The following KCNQ1 variants were observed in gnomAD, a reference collection of about 807,000 sequenced individuals.
KCNQ1 encodes potassium voltage-gated channel subfamily KQT member 1.
KCNQ1 carries 49 observed loss-of-function variants against 72.4 expected under a neutral mutation model. The ratio of observed to expected loss-of-function variants is 0.68; its 90% CI spans 0.54 to 0.86. The LOEUF is 0.86. KCNQ1 is among the 40% of genes least tolerant of loss of function. The pLI is 0.00. For synonymous variants in KCNQ1, 450 were observed against 412.6 expected (o/e 1.09, Z -1.10); for missense variants, 790 against 945.1 (o/e 0.84, Z 2.15).
intron 1 of KCNQ1, among the ~76,000 whole-genome samples, chr11:2,489,581 C>T (rs940703068): frequency 6.6e-6 from 1 of 152,198 alleles, no homozygotes; most frequent in African/African-American, 2.4e-5. Flanking sequence ...GTGGCTAACC[C>T]CAGGCAGCAC....
chr11:2,737,079 A>G (rs894188505), intron 11 of KCNQ1, among the ~76,000 whole-genome samples: 1 of 152,214 alleles, frequency 6.6e-6, no homozygotes, highest in Non-Finnish European at 1.5e-5. Flanking sequence ...TAGTGGGTCC[A>G]GAAGAGATCC....
In KCNQ1 at chr11:2,543,764, T is replaced by A. The variant is rs1035946306; in HGVS notation, c.477+15746T>A. Reference sequence around the variant, plus strand: ...TTTAGGCCTAGGATGCATTTTGAGTTAATTTTTCTCTATCATGTAAGACAT... The same window carrying A: ...TTTAGGCCTAGGATGCATTTTGAGTAAATTTTTCTCTATCATGTAAGACAT... On this transcript the variant is annotated intron_variant, in intron 2 of 15. Transcript: ENST00000155840. This position sits in a 1 kb window ranked among gnomAD's most constrained non-coding sequence, Gnocchi z 5.6. 1.3e-5 allele frequency among the ~76,000 whole-genome samples: 2 copies of A among 152,250 alleles called. No individual in the cohort carries two copies. The highest frequency in any genetic ancestry group is 4.8e-5 in the African/African-American group (2 of 41,466).
chr11:2,676,873 A>G lies in KCNQ1; in HGVS notation c.1514+14792A>G, dbSNP rs569209598. ...TCAGCTTTGACTGGGGAGCCCTTTC[A>G]TTTCTTAGTAAGTGTTCAGCCCCAG... On this transcript the variant is annotated intron_variant, in intron 11 of 15. Coordinates refer to ENST00000155840, the MANE Select transcript of KCNQ1 (RefSeq NM_000218.3). This position sits in a 1 kb window ranked among gnomAD's most constrained non-coding sequence, Gnocchi z 4.2. 4 of 398,620 alleles carry G rather than the reference A, an allele frequency of 1.0e-5. No homozygotes were observed. The East Asian group carries it at 1.4e-4, about 14-fold the overall frequency. 24.7% of individuals were successfully genotyped at this position (398,620 alleles called of 1,614,324 possible).
intron 15 of KCNQ1, chr11:2,839,950 C>T (rs572691353): frequency 4.6e-5 from 7 of 152,310 alleles, no homozygotes; most frequent in Admixed American, 2.0e-4. Flanking sequence ...GGCAGTTCTG[C>T]GTAGACGCCA....
intron 15 of KCNQ1, among the ~76,000 whole-genome samples, chr11:2,796,811 C>T (rs1004936450): frequency 2.6e-5 from 4 of 152,204 alleles, no homozygotes; most frequent in Admixed American, 6.5e-5. Flanking sequence ...CCCACTGCTG[C>T]GCCGTCCCTC....
rs1269755894 is a variant in KCNQ1, at chr11:2,674,051, C to G, written c.1514+11970C>G. 23 of 398,462 alleles carry G rather than the reference C, an allele frequency of 5.8e-5. No homozygotes were observed. The East Asian group carries it at 7.5e-4, about 13-fold the overall frequency. 24.7% of individuals were successfully genotyped at this position (398,462 alleles called of 1,614,324 possible). On this transcript the variant is annotated intron_variant, in intron 11 of 15. Transcript: ENST00000155840. This position sits in a 1 kb window ranked among gnomAD's most constrained non-coding sequence, Gnocchi z 5.9. ...CCTGGGGTGCAGCCCCTCATTTGTACTTGCTGGCTGCCCCATGGGGGCTTG... is the reference window on the plus strand; with the variant it reads ...CCTGGGGTGCAGCCCCTCATTTGTAGTTGCTGGCTGCCCCATGGGGGCTTG...
chr11:2,583,401 C>T (rs1037534546), intron 6 of KCNQ1, 34 bp from the exon 7 acceptor site: 3 of 1,485,064 alleles, frequency 2.0e-6, no homozygotes, highest in Non-Finnish European at 1.9e-6. Context: ...GCTCCAGTCC[C>T]ATCCGTGGCT....
At chr11:2,846,130 G>A (rs1848322522) in intron 15 of KCNQ1, among the ~76,000 whole-genome samples, 1 of 152,138 alleles carries the variant, frequency 6.6e-6, no homozygotes. Context: ...TCAGCAGTGG[G>A]GCCGGGCGCA....
At chr11:2,754,894 T>C (rs1323662807) in intron 11 of KCNQ1, among the ~76,000 whole-genome samples, 3 of 152,236 alleles carry the variant, frequency 2.0e-5, no homozygotes. Flanking sequence ...CAAAGATACC[T>C]TAAAGAACGT....
In KCNQ1 at chr11:2,481,746, A is replaced by G. The variant is rs1846654561; in HGVS notation, c.386+36262A>G. On this transcript the variant is annotated intron_variant, in intron 1 of 15. Coordinates refer to ENST00000155840, the MANE Select transcript of KCNQ1 (RefSeq NM_000218.3). This position sits in a 1 kb window ranked among gnomAD's most constrained non-coding sequence, Gnocchi z 4.6. ...TCTAGGTTGCCTCCTCTTTATAAGA[A>G]TCTAATGCCTGATGATCTGTCACTG... Among the ~76,000 whole-genome samples the G allele has an allele frequency of 6.6e-6, 1 of 152,190 alleles. No homozygotes were observed. Among genetic ancestry groups the G allele is most frequent in the Non-Finnish European group, 1.5e-5 (1 of 68,032 alleles).
chr11:2,581,229 C>A (rs1284009517), intron 6 of KCNQ1, among the ~76,000 whole-genome samples: 2 of 152,218 alleles, frequency 1.3e-5, no homozygotes. Flanking sequence ...CTTTCTTGGA[C>A]TTGCTGTAGA....
chr11:2,690,684 GTC>G lies in KCNQ1; in HGVS notation c.1514+28608_1514+28609del, dbSNP rs1289854404. Reference sequence around the variant, plus strand: ...GTCAGTGCACATAGGTATAGGGGCTGTCTCTCAGAATTCCTGAGGGCTTTCCA... The same window carrying G: ...GTCAGTGCACATAGGTATAGGGGCTGTCTCAGAATTCCTGAGGGCTTTCCA... On this transcript the variant is annotated intron_variant, in intron 11 of 15. Transcript: ENST00000155840. This position sits in a 1 kb window ranked among gnomAD's most constrained non-coding sequence, Gnocchi z 5.1. 2.5e-6 allele frequency: 1 copy of G among 398,550 alleles called. No individual in the cohort carries two copies. Among genetic ancestry groups the G allele is most frequent in the Non-Finnish European group, 4.4e-6 (1 of 226,100 alleles). 24.7% of individuals were successfully genotyped at this position (398,550 alleles called of 1,614,324 possible).
intron 10 of KCNQ1, among the ~76,000 whole-genome samples, 186 bp downstream of exon 10, chr11:2,589,040 C>T (rs1449169872): frequency 6.6e-6 from 1 of 152,196 alleles, no homozygotes; most frequent in African/African-American, 2.4e-5. Context: ...TCAGAGTCTT[C>T]CCAAGGAGGA....
intron 11 of KCNQ1, among the ~76,000 whole-genome samples, chr11:2,702,892 C>T (rs530319588): frequency 2.0e-5 from 3 of 152,326 alleles, no homozygotes; most frequent in East Asian, 3.9e-4. Context: ...TCGCCACACA[C>T]GGGGTGCCGT....
At chr11:2,577,613 G>A (rs1274344933) in intron 6 of KCNQ1, among the ~76,000 whole-genome samples, 1 of 152,216 alleles carries the variant, frequency 6.6e-6, no homozygotes, top group African/African-American at 2.4e-5. Context: ...TTCTCCTGCT[G>A]AAAGGAAGCA....
chr11:2,471,965 TATG>T lies in KCNQ1; in HGVS notation c.386+26482_386+26484del, dbSNP rs1032254375. The stretch of plus-strand genomic sequence containing the variant: ...GCGTGTGTAGGTGTGTGTTCATATA[TATG>T]GGTGTGTGTGCACCTATGTGTATAA... On this transcript the variant is annotated intron_variant, in intron 1 of 15. Coordinates refer to ENST00000155840, the MANE Select transcript of KCNQ1 (RefSeq NM_000218.3). This position sits in a 1 kb window ranked among gnomAD's most constrained non-coding sequence, Gnocchi z 4.8. Among the ~76,000 whole-genome samples the T allele has an allele frequency of 4.6e-5, 7 of 151,836 alleles. No individual in the cohort carries two copies. The highest frequency in any genetic ancestry group is 1.2e-4 in the African/African-American group (5 of 41,318).
chr11:2,570,621 C>G lies in KCNQ1; in HGVS notation c.478-7C>G, dbSNP rs372906106. 8.1e-6 allele frequency: 13 copies of G among 1,612,122 alleles called. No individual in the cohort carries two copies. Among genetic ancestry groups the G allele is most frequent in the Non-Finnish European group, 1.0e-5 (12 of 1,179,972 alleles). ...CCTGCAGTGAGCGTCCCACTCTGTCCCTGCAGGAGATCGTGCTGGTGGTGT... is the reference window on the plus strand; with the variant it reads ...CCTGCAGTGAGCGTCCCACTCTGTCGCTGCAGGAGATCGTGCTGGTGGTGT... On this transcript the variant is annotated splice_polypyrimidine_tract_variant and splice_region_variant and intron_variant, in intron 2 of 15. Transcript: ENST00000155840.
At chr11:2,800,949 G>C (rs1847250912) in intron 15 of KCNQ1, among the ~76,000 whole-genome samples, 1 of 152,180 alleles carries the variant, frequency 6.6e-6, no homozygotes. Context: ...CCATTCTAGA[G>C]AATGTTCCAG....
At chr11:2,511,974 C>T (rs1475940938) in intron 1 of KCNQ1, among the ~76,000 whole-genome samples, 3 of 152,218 alleles carry the variant, frequency 2.0e-5, no homozygotes, top group African/African-American at 7.2e-5. Context: ...GCAGAGGAAG[C>T]GTGAGCATTT....
Sources: allele counts gnomAD v4.1 joint callset (sites outside exome capture counted in the v4.1 genomes callset), GRCh38; gene constraint gnomAD v4.1.1; non-coding constraint Gnocchi (gnomAD v3.1); transcripts MANE v1.5; gene names NCBI Gene and HGNC (gene_info 2026-07-23, HGNC 2026-07-21).